The following CCDC141 variants were observed in gnomAD, a reference collection of about 807,000 sequenced individuals.
CCDC141 encodes coiled-coil domain-containing protein 141.
Under a neutral mutation model 181.0 loss-of-function variants are expected in CCDC141, and 168 were observed. That is an observed-to-expected ratio of 0.93 (90% CI 0.82 to 1.05). The LOEUF is 1.05. Among genes scored for constraint, CCDC141 ranks in the 50% least tolerant of loss-of-function variants. The pLI, the probability that CCDC141 is intolerant of heterozygous loss-of-function variation, is 0.00. For synonymous variants in CCDC141, 666 were observed against 642.3 expected, an observed-to-expected ratio of 1.04 and a Z score of -0.56; for missense variants, 1,902 against 1,788.5, an observed-to-expected ratio of 1.06 and a Z score of -1.14.
intron 2 of CCDC141, among the ~76,000 whole-genome samples, chr2:179,033,603 C>T (rs903928490): frequency 6.6e-6 from 1 of 152,132 alleles, no homozygotes; most frequent in Non-Finnish European, 1.5e-5. Context: ...TCTGTGTCCA[C>T]TTTATCTCTG....
At chr2:178,862,991 C>A (rs1424926817) in intron 17 of CCDC141, among the ~76,000 whole-genome samples, 1 of 151,922 alleles carries the variant, frequency 6.6e-6, no homozygotes, top group African/African-American at 2.4e-5. Context: ...TTAGATATAC[C>A]AGAAAATAGG....
In CCDC141 at chr2:178,944,613, C is replaced by T; in HGVS notation, c.819G>A (p.Gln273=). ...CWFQKTIRNL[Q]EQSLGSSLSD... ...AAAGTGATGAACCTAGACTTTGTTC[C>T]TGTAAATTTCTTATAGTTTTCTGAA... Residue 273 remains glutamine (Q), a synonymous_variant, in exon 6 of 24, where the codon CAG becomes CAA. Coordinates refer to ENST00000443758, the MANE Select transcript of CCDC141 (RefSeq NM_173648.4). The T allele has an allele frequency of 2.6e-6, 4 of 1,529,948 alleles. No individual in the cohort carries two copies. Among genetic ancestry groups the T allele is most frequent in the Non-Finnish European group, 3.5e-6 (4 of 1,137,638 alleles). The allele number at this position is 1,529,948 out of a possible 1,614,324, so 94.8% of individuals were successfully genotyped here.
At chr2:178,959,773 G>A (rs1277011854) in intron 5 of CCDC141, among the ~76,000 whole-genome samples, 1 of 152,168 alleles carries the variant, frequency 6.6e-6, no homozygotes, top group African/African-American at 2.4e-5. Context: ...CAAAATGCAA[G>A]CAGGAGAATA....
chr2:178,848,129 T>C (rs1331023711), intron 21 of CCDC141, among the ~76,000 whole-genome samples: 1 of 152,178 alleles, frequency 6.6e-6, no homozygotes, highest in Non-Finnish European at 1.5e-5. Flanking sequence ...GAAGGATTTA[T>C]GGAGGAGGCA....
At chr2:179,036,034 C>A (rs138661686) in intron 2 of CCDC141, among the ~76,000 whole-genome samples, 85 of 152,192 alleles carry the variant, frequency 5.6e-4, no homozygotes, top group African/African-American at 1.7e-3. Flanking sequence ...CTTTTTTGCC[C>A]ACTCTGTGTC....
chr2:178,839,849 T>C (rs902079919), intron 22 of CCDC141, among the ~76,000 whole-genome samples: 6 of 152,280 alleles, frequency 3.9e-5, no homozygotes, highest in Non-Finnish European at 8.8e-5. Flanking sequence ...CTTAGCTCGG[T>C]CTCTCTGTCC....
chr2:178,989,996 G>A (rs563531646), intron 2 of CCDC141, among the ~76,000 whole-genome samples: 4 of 151,750 alleles, frequency 2.6e-5, no homozygotes, highest in South Asian at 4.2e-4. Flanking sequence ...AAAATTAGCT[G>A]GGCATGGTAG....
rs147448203 is a variant in CCDC141 at position 178,991,300 on chromosome 2, A to T, written c.226-12625T>A. On this transcript the variant is annotated intron_variant, in intron 2 of 23. Coordinates refer to ENST00000443758, the MANE Select transcript of CCDC141 (RefSeq NM_173648.4). ...TTGCAGTACTTTCCTCCCATATAAAACATTTTAATTTCAGAAGTTCATTTC... is the reference window on the plus strand; with the variant it reads ...TTGCAGTACTTTCCTCCCATATAAATCATTTTAATTTCAGAAGTTCATTTC... Among the ~76,000 whole-genome samples, 124 of 152,280 alleles carry T rather than the reference A, an allele frequency of 8.1e-4. 1 individual carries two copies. Among genetic ancestry groups the T allele is most frequent in the African/African-American group, 2.8e-3 (117 of 41,558 alleles).
At chr2:178,909,199 A>G (rs753090162) in intron 7 of CCDC141, among the ~76,000 whole-genome samples, 1 of 152,186 alleles carries the variant, frequency 6.6e-6, no homozygotes, top group Non-Finnish European at 1.5e-5. Flanking sequence ...AAATTGAAAG[A>G]CTAAGCATTC....
chr2:178,977,913 A>G (rs1691195955), intron 3 of CCDC141, among the ~76,000 whole-genome samples: 1 of 152,220 alleles, frequency 6.6e-6, no homozygotes, highest in Non-Finnish European at 1.5e-5. Flanking sequence ...ACATGGAGAC[A>G]TGACCTTCTT....
intron 6 of CCDC141, among the ~76,000 whole-genome samples, chr2:178,921,199 T>C (rs143311550): frequency 3.2e-4 from 48 of 152,330 alleles, no homozygotes; most frequent in African/African-American, 1.0e-3. Flanking sequence ...AGCTATTGTG[T>C]CCCCACTTAA....
In CCDC141 at chr2:179,036,603, T is replaced by C. The variant is rs111315743; in HGVS notation, c.225+10681A>G. Among the ~76,000 whole-genome samples, 1,260 of 152,330 alleles carry C rather than the reference T, an allele frequency of 8.3e-3. 19 individuals carry two copies. The highest frequency in any genetic ancestry group is 0.028 in the African/African-American group (1,161 of 41,572). ...AGGGAAAGTCACCAGGAAGTTGTGC[T>C]GCCTCATAGTTGTGAGAACACTATT... is the stretch of plus-strand genomic sequence containing the variant. On this transcript the variant is annotated intron_variant, in intron 2 of 23. Coordinates refer to ENST00000443758, the MANE Select transcript of CCDC141 (RefSeq NM_173648.4).
chr2:179,013,159 A>C (rs2042318897), intron 2 of CCDC141, among the ~76,000 whole-genome samples: 1 of 152,152 alleles, frequency 6.6e-6, no homozygotes, highest in Admixed American at 6.5e-5. Flanking sequence ...CCAAATCAGT[A>C]AAGAGGATGT....
chr2:178,952,870 A>T (rs1365462705), intron 5 of CCDC141, among the ~76,000 whole-genome samples: 1 of 146,912 alleles, frequency 6.8e-6, no homozygotes, highest in South Asian at 2.1e-4. Flanking sequence ...CAGAGAAGGA[A>T]TTTTTTTCTC....
chr2:179,045,920 C>CA (rs3045789), intron 2 of CCDC141, among the ~76,000 whole-genome samples: 1 of 151,956 alleles, frequency 6.6e-6, no homozygotes, highest in Non-Finnish European at 1.5e-5. Flanking sequence ...AGCTGTCAAA[C>CA]GGGAATAAAT....
intron 5 of CCDC141, among the ~76,000 whole-genome samples, chr2:178,944,950 G>A (rs568061995): frequency 6.6e-6 from 1 of 152,144 alleles, no homozygotes; most frequent in South Asian, 2.1e-4. Context: ...TTCCCAAGCA[G>A]TCCAAAAATC....
In CCDC141 at chr2:178,877,616, T is replaced by C. The variant is rs1403164740; in HGVS notation, c.1899+348A>G. The C allele has an allele frequency of 3.3e-5, 10 of 307,616 alleles. No individual in the cohort carries two copies. The Admixed American group carries it at 5.1e-4, about 16-fold the overall frequency. The allele number at this position is 307,616 out of a possible 1,614,324, so 19.1% of individuals were successfully genotyped here. A position where few individuals can be genotyped will look rare whatever the true frequency, so the allele number is the denominator to read the frequency against. The stretch of plus-strand genomic sequence containing the variant: ...AAGAAGATTCATCTTAGAAGTTGTC[T>C]TTAGCCCCTAGAAATTTTGAAAGGA... On this transcript the variant is annotated intron_variant, in intron 12 of 23. Coordinates refer to ENST00000443758, the MANE Select transcript of CCDC141 (RefSeq NM_173648.4).
intron 2 of CCDC141, among the ~76,000 whole-genome samples, chr2:179,007,105 C>G (rs1402548713): frequency 6.6e-6 from 1 of 152,166 alleles, no homozygotes; most frequent in Non-Finnish European, 1.5e-5. Flanking sequence ...TGATTAAAGT[C>G]TGGAAAATCA....
At chr2:179,033,180 C>T (rs983580750) in intron 2 of CCDC141, among the ~76,000 whole-genome samples, 1 of 151,740 alleles carries the variant, frequency 6.6e-6, no homozygotes, top group Admixed American at 6.6e-5. Flanking sequence ...ACAGTTGGTT[C>T]TTCACATCCA....
Sources: allele counts gnomAD v4.1 joint callset (sites outside exome capture counted in the v4.1 genomes callset), GRCh38; gene constraint gnomAD v4.1.1; transcripts MANE v1.5; gene names NCBI Gene and HGNC (gene_info 2026-07-23, HGNC 2026-07-21).